NELL1: variants seen among roughly 807,000 people sequenced by gnomAD.
The protein encoded by NELL1 is protein kinase C-binding protein NELL1.
Under a neutral mutation model 107.4 loss-of-function variants are expected in NELL1, and 76 were observed. That is an observed-to-expected ratio of 0.71 (90% CI 0.59 to 0.86). NELL1 has a LOEUF of 0.86. Among genes scored for constraint, NELL1 ranks in the 40% least tolerant of loss-of-function variants. NELL1 has a pLI of 0.00. For missense variants in NELL1, 1,024 were observed against 1,005.5 expected, an observed-to-expected ratio of 1.02 and a Z score of -0.25; for synonymous variants, 353 against 341.2, an observed-to-expected ratio of 1.03 and a Z score of -0.38.
intron 15 of NELL1, among the ~76,000 whole-genome samples, chr11:21,528,832 C>G (rs182690923): frequency 3.9e-5 from 6 of 152,170 alleles, no homozygotes; most frequent in African/African-American, 1.4e-4. Flanking sequence ...TATGTGTTAT[C>G]TTGACTCTTG....
chr11:20,737,836 A>T (rs1456352398), intron 2 of NELL1, among the ~76,000 whole-genome samples: 1 of 151,798 alleles, frequency 6.6e-6, no homozygotes. Context: ...GTGGAGAAAA[A>T]ATCAAATTTA....
intron 2 of NELL1, among the ~76,000 whole-genome samples, chr11:20,727,428 AC>A (rs1171084951): frequency 1.3e-5 from 2 of 152,094 alleles, no homozygotes; most frequent in Non-Finnish European, 2.9e-5. Context: ...TACTTTGCCC[AC>A]TTTTTGATGG....
chr11:21,254,113 T>C (rs1038381300), intron 14 of NELL1, among the ~76,000 whole-genome samples: 2 of 152,078 alleles, frequency 1.3e-5, no homozygotes, highest in Admixed American at 1.3e-4. Context: ...TATATGGAGC[T>C]TACTCCTTCT....
intron 15 of NELL1, among the ~76,000 whole-genome samples, chr11:21,464,053 C>T (rs1043179784): frequency 6.6e-6 from 1 of 152,002 alleles, no homozygotes; most frequent in Non-Finnish European, 1.5e-5. Context: ...GAATTTATTA[C>T]CTGGTGGGCA....
At chr11:21,091,567 G>T (rs906545874) in intron 12 of NELL1, among the ~76,000 whole-genome samples, 2 of 152,068 alleles carry the variant, frequency 1.3e-5, no homozygotes, top group African/African-American at 4.8e-5. Flanking sequence ...TTCTAATTTT[G>T]ATTTTGATTT....
intron 13 of NELL1, among the ~76,000 whole-genome samples, chr11:21,146,841 C>T (rs1054229334): frequency 3.3e-5 from 5 of 151,978 alleles, no homozygotes; most frequent in Non-Finnish European, 5.9e-5. Context: ...GTCAGGAGTT[C>T]GAGACCAGCC....
In NELL1 at chr11:21,534,456, G is replaced by A. The variant is rs763833465; in HGVS notation, c.1728G>A (p.Glu576=). Residue 576 remains glutamate (E), a synonymous_variant, in exon 16 of 20, where the codon GAG becomes GAA. Transcript: ENST00000357134. ...ACCTGCCAGGGTGGTACCACTGTGA[G>A]TGCAGAAGCGGTTTCCATGACGATG... ...CVNLPGWYHC[E]CRSGFHDDGT... The A allele has an allele frequency of 5.0e-6, 8 of 1,613,792 alleles. No individual in the cohort carries two copies. The highest frequency in any genetic ancestry group is 4.0e-5 in the African/African-American group (3 of 74,914).
intron 12 of NELL1, among the ~76,000 whole-genome samples, chr11:21,027,227 G>A (rs1185583896): frequency 2.0e-5 from 3 of 152,098 alleles, no homozygotes; most frequent in Admixed American, 1.3e-4. Flanking sequence ...GTCTCACAGG[G>A]CACCTCTACT....
At chr11:21,018,309 C>A (rs1852616715) in intron 12 of NELL1, among the ~76,000 whole-genome samples, 1 of 152,202 alleles carries the variant, frequency 6.6e-6, no homozygotes, top group East Asian at 1.9e-4. Context: ...GGCCTTATAA[C>A]TTTCAAAGGA....
At chr11:20,675,324 G>A (rs1375831337) in intron 1 of NELL1, among the ~76,000 whole-genome samples, 2 of 152,152 alleles carry the variant, frequency 1.3e-5, no homozygotes, top group African/African-American at 4.8e-5. Flanking sequence ...AAGATTTAAG[G>A]CCAATGTTCA....
At chr11:21,560,720 A>ATACAAACTT (rs1856829486) in intron 17 of NELL1, among the ~76,000 whole-genome samples, 1 of 152,210 alleles carries the variant, frequency 6.6e-6, no homozygotes, top group Admixed American at 6.5e-5. Flanking sequence ...TCCCACGCTT[A>ATACAAACTT]TACAAACTTG....
chr11:20,754,002 G>A (rs1326680426), intron 2 of NELL1, among the ~76,000 whole-genome samples: 1 of 152,168 alleles, frequency 6.6e-6, no homozygotes, highest in African/African-American at 2.4e-5. Flanking sequence ...AGCCAAATAT[G>A]TGGTCAAGAG....
At chr11:20,733,006 C>G (rs946799236) in intron 2 of NELL1, among the ~76,000 whole-genome samples, 11 of 152,266 alleles carry the variant, frequency 7.2e-5, no homozygotes, top group Admixed American at 2.6e-4. Context: ...GCTGGGTAAA[C>G]TTAAACAGGT....
intron 13 of NELL1, among the ~76,000 whole-genome samples, chr11:21,127,672 G>T (rs756320803): frequency 1.3e-5 from 2 of 152,022 alleles, no homozygotes; most frequent in African/African-American, 4.8e-5. Context: ...GGAAAATGAC[G>T]ACAACCTCTA....
At chr11:21,472,788 T>C (rs1292360454) in intron 15 of NELL1, among the ~76,000 whole-genome samples, 4 of 151,914 alleles carry the variant, frequency 2.6e-5, no homozygotes, top group Non-Finnish European at 5.9e-5. Flanking sequence ...TTCCTAATAA[T>C]TCACTCACTC....
intron 13 of NELL1, among the ~76,000 whole-genome samples, chr11:21,187,623 T>C (rs1856962463): frequency 6.6e-6 from 1 of 151,786 alleles, no homozygotes; most frequent in African/African-American, 2.4e-5. Flanking sequence ...TCTATTATTG[T>C]CACTCTATGA....
At chr11:21,439,528 A>T (rs902796553) in intron 15 of NELL1, among the ~76,000 whole-genome samples, 1 of 152,188 alleles carries the variant, frequency 6.6e-6, no homozygotes, top group African/African-American at 2.4e-5. Context: ...CAAGGATAAT[A>T]GGTCAAGCTG....
At chr11:20,691,737 A>G (rs1854471980) in intron 2 of NELL1, among the ~76,000 whole-genome samples, 2 of 151,872 alleles carry the variant, frequency 1.3e-5, no homozygotes, top group South Asian at 4.1e-4. Context: ...ATATTGGTCT[A>G]AAATTCTCTT....
rs560025182 is a variant in NELL1 at position 20,855,618 on chromosome 11, T to C, written c.506+7865T>C. 4.1e-4 allele frequency among the ~76,000 whole-genome samples: 62 copies of C among 152,308 alleles called. 1 individual carries two copies. Among genetic ancestry groups the C allele is most frequent in the African/African-American group, 1.3e-3 (56 of 41,580 alleles). On this transcript the variant is annotated intron_variant, in intron 4 of 19. Transcript: ENST00000357134. The stretch of plus-strand genomic sequence containing the variant: ...GGCTGCAAGAGAAAAATATATTTTC[T>C]GATAGGAAAAATATTGATGCTTGCA...
Sources: allele counts gnomAD v4.1 joint callset (sites outside exome capture counted in the v4.1 genomes callset), GRCh38; gene constraint gnomAD v4.1.1; transcripts MANE v1.5; gene names NCBI Gene and HGNC (gene_info 2026-07-23, HGNC 2026-07-21).